The following RIF1 variants were observed in gnomAD, a reference collection of about 807,000 sequenced individuals.
The protein encoded by RIF1 is telomere-associated protein RIF1.
Under a neutral mutation model 247.1 loss-of-function variants are expected in RIF1, and 45 were observed. The observed-to-expected ratio is 0.18, with a 90% CI of 0.14 to 0.23. The LOEUF is 0.23. Ranked by LOEUF, RIF1 falls within the 10% of genes least tolerant of loss-of-function variation. The probability of loss-of-function intolerance (pLI) is 1.00; values close to 1 mark genes in which losing one functional copy is unlikely to be tolerated. For synonymous variants in RIF1, 1,087 were observed against 978.8 expected (o/e 1.11, Z -2.06); for missense variants, 2,967 against 2,862.5 (o/e 1.04, Z -0.83).
At chr2:151,414,970 TTAAGTA>T (rs754936334) in intron 4 of RIF1, 51 bp downstream of exon 4, 310 of 1,182,258 alleles carry the variant, frequency 2.6e-4, no homozygotes, top group Non-Finnish European at 3.5e-4. Context: ...AGTATAAGTT[TTAAGTA>T]TAAGTAGTTT....
chr2:151,488,297 A>C (rs16830094), intron 9 of RIF1, among the ~76,000 whole-genome samples: 4,528 of 152,174 alleles, frequency 0.03, 122 homozygotes, highest in East Asian at 0.14. Context: ...AATTGGCCAG[A>C]CTTTTATACT....
chr2:151,411,488 C>G (rs1447176303), intron 3 of RIF1, 150 bp downstream of exon 3: 2 of 556,306 alleles, frequency 3.6e-6, no homozygotes, highest in Non-Finnish European at 6.5e-6. Context: ...CTGAAACCTC[C>G]GCCTCTCGGG....
chr2:151,436,587 T>G (rs189117180), intron 11 of RIF1, among the ~76,000 whole-genome samples: 1 of 152,134 alleles, frequency 6.6e-6, no homozygotes, highest in Admixed American at 6.6e-5. Flanking sequence ...GTGTCTTCTT[T>G]ATGTATGTCA....
At chr2:151,438,451 C>T (rs1185971132) in intron 13 of RIF1, among the ~76,000 whole-genome samples, 2 of 152,142 alleles carry the variant, frequency 1.3e-5, no homozygotes, top group African/African-American at 2.4e-5. Flanking sequence ...GTACTCCAGC[C>T]TGGACAGAGC....
Position 151,481,464 on chromosome 2 carries a change from A to C in RIF1, c.*6393A>C, listed in dbSNP as rs929766159. ...TGAATTATCAGTTGCTTTCTGCACT[A>C]CCTCCTGTAGATAGACCTGACTGAT... On this transcript the variant is annotated 3_prime_UTR_variant, in exon 36 of 36. Coordinates refer to ENST00000444746, the MANE Select transcript of RIF1 (RefSeq NM_018151.5). 1 of 152,222 alleles carries C rather than the reference A, an allele frequency of 6.6e-6. No homozygotes were observed. The highest frequency in any genetic ancestry group is 2.4e-5 in the African/African-American group (1 of 41,460). The allele number at this position is 152,222 out of a possible 1,614,324, so 9.4% of individuals were successfully genotyped here.
At chr2:151,430,588 G>T (rs1689920028) in intron 9 of RIF1, among the ~76,000 whole-genome samples, 2 of 152,166 alleles carry the variant, frequency 1.3e-5, no homozygotes, top group Admixed American at 1.3e-4. Flanking sequence ...CCAAAGTGCT[G>T]GGATTACAGG....
intron 25 of RIF1, among the ~76,000 whole-genome samples, chr2:151,459,733 C>T (rs930049112): frequency 6.6e-6 from 1 of 152,162 alleles, no homozygotes; most frequent in East Asian, 1.9e-4. Flanking sequence ...TAATTTAATT[C>T]ACTTTATGTG....
At chr2:151,461,380 T>TA (rs2152488856) in intron 27 of RIF1, 91 bp downstream of exon 27, 1 of 1,256,740 alleles carries the variant, frequency 8.0e-7, no homozygotes, top group East Asian at 2.4e-5. Flanking sequence ...AGAACTAAAA[T>TA]ATGTGTACTA....
chr2:151,441,880 C>A, intron 15 of RIF1, 25 bp from the exon 16 acceptor site: 1 of 1,111,712 alleles, frequency 9.0e-7, no homozygotes, highest in South Asian at 1.4e-5. Context: ...GGCTAATTTA[C>A]TGTAAAACCT....
intron 19 of RIF1, among the ~76,000 whole-genome samples, chr2:151,446,173 A>AT (rs755098663): frequency 1.9e-4 from 29 of 151,736 alleles, no homozygotes; most frequent in Non-Finnish European, 3.5e-4. Flanking sequence ...CGTCCGGCTG[A>AT]TTTTTTGTAT....
chr2:151,439,789 G>A (rs940542959), intron 14 of RIF1, among the ~76,000 whole-genome samples: 2 of 150,558 alleles, frequency 1.3e-5, no homozygotes, highest in African/African-American at 4.9e-5. Context: ...TTTGATACCA[G>A]CCTAGCAAAC....
At chr2:151,505,768 G>C (rs978810845) in intron 12 of RIF1, among the ~76,000 whole-genome samples, 2 of 152,132 alleles carry the variant, frequency 1.3e-5, no homozygotes, top group African/African-American at 4.8e-5. Flanking sequence ...GGGACGCTTT[G>C]TCTCTCTCTC....
intron 21 of RIF1, among the ~76,000 whole-genome samples, chr2:151,454,390 C>T (rs1044062023): frequency 2.0e-5 from 3 of 152,060 alleles, no homozygotes; most frequent in Non-Finnish European, 4.4e-5. Flanking sequence ...AGACTTACTG[C>T]ATTCTTTCTC....
chr2:151,474,521 CA>C (rs941241177), intron 35 of RIF1, among the ~76,000 whole-genome samples: 1 of 152,036 alleles, frequency 6.6e-6, no homozygotes, highest in Non-Finnish European at 1.5e-5. Context: ...ACTAAAAATA[CA>C]AAAAATAGCT....
the RIF1 span, among the ~76,000 whole-genome samples, chr2:151,517,056 T>G: frequency 3.9e-5 from 6 of 152,198 alleles, no homozygotes; most frequent in African/African-American, 1.4e-4. Flanking sequence ...AGTAAACAAC[T>G]CTATGTGGGT....
In RIF1 at chr2:151,492,269, CATG is replaced by C. The variant is rs1553527955; in HGVS notation, c.*416-2957_*416-2955del. ...CAACCCTTGTGTTTCTCAAAGTCTT[CATG>C]ATATTTCACCTGAAATGTCATGAAT... On this transcript the variant is annotated intron_variant and NMD_transcript_variant, in intron 9 of 13. Transcript: ENST00000454583. 3 of 1,611,466 alleles carry C rather than the reference CATG, an allele frequency of 1.9e-6. No individual in the cohort carries two copies. Among genetic ancestry groups the C allele is most frequent in the Non-Finnish European group, 2.5e-6 (3 of 1,178,250 alleles).
downstream of RIF1, chr2:151,512,764 T>C (rs776379234): frequency 3.1e-6 from 5 of 1,613,888 alleles, no homozygotes; most frequent in South Asian, 3.3e-5. Flanking sequence ...TTGTTGGGCA[T>C]GAATGATCTC....
Position 151,468,052 on chromosome 2 carries a change from A to G in RIF1, c.6653A>G (p.Asp2218Gly). 1 of 1,613,846 alleles carries G rather than the reference A, an allele frequency of 6.2e-7. No individual in the cohort carries two copies. Among genetic ancestry groups the G allele is most frequent in the Non-Finnish European group, 8.5e-7 (1 of 1,179,868 alleles). The change falls in exon 31 of 36, where the codon GAC (aspartate) becomes GGC (glycine). Residue 2218 changes from aspartate to glycine, a missense_variant. By Grantham distance (94) the Asp-to-Gly change is moderately conservative. This residue lies in a region of RIF1 where 2,028 missense variants were observed against 1,825.6 expected (regional missense o/e 1.11). Coordinates refer to ENST00000444746, the MANE Select transcript of RIF1 (RefSeq NM_018151.5). ...DPIYQAGLADDIDRRCSIVRS... is the reference protein window; with the variant it reads ...DPIYQAGLADGIDRRCSIVRS... Reference sequence around the variant, plus strand: ...ATATACCAAGCAGGATTGGCAGATGACATTGATAGACGGTGCTCTATTGTT... The same window carrying G: ...ATATACCAAGCAGGATTGGCAGATGGCATTGATAGACGGTGCTCTATTGTT...
In RIF1 at chr2:151,420,066, A is replaced by C. The variant is rs538411183; in HGVS notation, c.504-124A>C. ...AGATCTATTTCTTGTGTGTATATGC[A>C]TATTTGTATATATTCTAAAACAAAT... On this transcript the variant is annotated intron_variant, in intron 6 of 35. Transcript: ENST00000444746. 69 of 734,496 alleles carry C rather than the reference A, an allele frequency of 9.4e-5. No homozygotes were observed. In the South Asian group the frequency reaches 1.6e-3, roughly 17 times the overall value. 45.5% of individuals were successfully genotyped at this position (734,496 alleles called of 1,614,324 possible).
Sources: allele counts gnomAD v4.1 joint callset (sites outside exome capture counted in the v4.1 genomes callset), GRCh38; gene constraint gnomAD v4.1.1; regional missense constraint gnomAD v4.1.1; transcripts MANE v1.5; gene names NCBI Gene and HGNC (gene_info 2026-07-23, HGNC 2026-07-21).